C1GALT1: variants seen among roughly 807,000 people sequenced by gnomAD.
C1GALT1 encodes the protein core 1 synthase, glycoprotein-N-acetylgalactosamine 3-beta-galactosyltransferase 1.
A neutral mutation model predicts 31.0 loss-of-function variants in C1GALT1; 11 were observed. That is an observed-to-expected ratio of 0.36 (90% CI 0.22 to 0.59). C1GALT1 has a LOEUF of 0.59. Among genes scored for constraint, C1GALT1 ranks in the 20% least tolerant of loss-of-function variants. The probability of loss-of-function intolerance (pLI) is 0.79; values close to 1 mark genes in which losing one functional copy is unlikely to be tolerated. For missense variants in C1GALT1, 424 were observed against 425.2 expected (o/e 1.00, Z 0.03); for synonymous variants, 175 against 143.6 (o/e 1.22, Z -1.56).
rs1178103006 is a variant in C1GALT1 at position 7,247,903 on chromosome 7, G to T, written c.*4176G>T. 1 of 152,026 alleles carries T rather than the reference G, an allele frequency of 6.6e-6. No individual in the cohort carries two copies. Among genetic ancestry groups the T allele is most frequent in the Non-Finnish European group, 1.5e-5 (1 of 67,910 alleles). 9.4% of individuals were successfully genotyped at this position (152,026 alleles called of 1,614,324 possible). A position where few individuals can be genotyped will look rare whatever the true frequency, so the allele number is the denominator to read the frequency against. On this transcript the variant is annotated 3_prime_UTR_variant, in exon 4 of 4. Transcript: ENST00000436587. The stretch of plus-strand genomic sequence containing the variant: ...AAGTAAAAGTCTAAGAATAATGCCT[G>T]CTGGCTCTCGAGATACTTGCCCTAC...
At chr7:7,241,008 C>T (rs1456310191) in intron 3 of C1GALT1, among the ~76,000 whole-genome samples, 1 of 151,932 alleles carries the variant, frequency 6.6e-6, no homozygotes, top group Non-Finnish European at 1.5e-5. Flanking sequence ...AAGCAGTTCC[C>T]TTCCCACTCC....
chr7:7,242,966 T>G (rs1783698002), intron 3 of C1GALT1, among the ~76,000 whole-genome samples: 1 of 152,140 alleles, frequency 6.6e-6, no homozygotes, highest in African/African-American at 2.4e-5. Flanking sequence ...CTCAAGGTCG[T>G]ATACTAGCCC....
intron 1 of C1GALT1, among the ~76,000 whole-genome samples, chr7:7,189,899 A>T (rs1220204896): frequency 2.1e-5 from 3 of 142,414 alleles, no homozygotes; most frequent in Non-Finnish European, 4.5e-5. Context: ...TCCCCAAAAG[A>T]TTAATTAATT....
At chr7:7,209,475 C>T (rs1278579344) in intron 1 of C1GALT1, 1 of 152,098 alleles carries the variant, frequency 6.6e-6, no homozygotes, top group Non-Finnish European at 1.5e-5. Flanking sequence ...TAACCTGCAC[C>T]CTTGTCTTAA....
At chr7:7,230,783 T>TA (rs1336995810) in intron 1 of C1GALT1, among the ~76,000 whole-genome samples, 15 of 151,970 alleles carry the variant, frequency 9.9e-5, no homozygotes, top group Non-Finnish European at 1.8e-4. Context: ...TTTTTTTTTT[T>TA]AAACAACTCC....
intron 2 of C1GALT1, among the ~76,000 whole-genome samples, chr7:7,175,216 T>C (rs897369046): frequency 6.6e-6 from 1 of 152,238 alleles, no homozygotes; most frequent in African/African-American, 2.4e-5. Flanking sequence ...CTTGTCAATA[T>C]GGTCATGGAA....
chr7:7,158,917 A>G (rs1225599890), intron 2 of C1GALT1, among the ~76,000 whole-genome samples: 4 of 152,076 alleles, frequency 2.6e-5, no homozygotes, highest in African/African-American at 9.7e-5. Flanking sequence ...TCTATCTCAA[A>G]CTGTGTGACA....
At chr7:7,223,949 G>C (rs1019079102) in intron 1 of C1GALT1, among the ~76,000 whole-genome samples, 1 of 151,904 alleles carries the variant, frequency 6.6e-6, no homozygotes, top group South Asian at 2.1e-4. Flanking sequence ...TTCTGTTTTT[G>C]TTTTTCTGAG....
intron 2 of C1GALT1, 42 bp downstream of exon 2, chr7:7,234,581 T>C: frequency 6.8e-7 from 1 of 1,467,224 alleles, no homozygotes; most frequent in Non-Finnish European, 9.4e-7. Flanking sequence ...AGCAGTATTT[T>C]AGTCTAAATT....
chr7:7,220,613 C>T (rs1171066947), intron 1 of C1GALT1, among the ~76,000 whole-genome samples: 2 of 152,252 alleles, frequency 1.3e-5, no homozygotes, highest in East Asian at 3.9e-4. Flanking sequence ...GCTCCACCTC[C>T]TGGGTTCAAG....
At chr7:7,225,466 C>G (rs1782717299) in intron 1 of C1GALT1, among the ~76,000 whole-genome samples, 1 of 152,132 alleles carries the variant, frequency 6.6e-6, no homozygotes. Context: ...CTGCTTATAA[C>G]CAGGAACTGG....
Position 7,243,707 on chromosome 7 carries a change from G to A in C1GALT1, c.1072G>A (p.Val358Met), listed in dbSNP as rs747744965. 4.4e-6 allele frequency: 7 copies of A among 1,604,208 alleles called. No individual in the cohort carries two copies. Among genetic ancestry groups the A allele is most frequent in the Non-Finnish European group, 5.9e-6 (7 of 1,176,628 alleles). The change falls in exon 4 of 4, where the codon GTG becomes ATG. Residue 358 changes from valine to methionine, a missense_variant. This residue lies in a region of C1GALT1 where 191 missense variants were observed against 188.8 expected (regional missense o/e 1.01). Transcript: ENST00000436587. ...AGCAAACAAAAATGAAGATACAAAAGTGAAGTTAGGAAATCCTTGAAAGAA... is the reference window on the plus strand; with the variant it reads ...AGCAAACAAAAATGAAGATACAAAAATGAAGTTAGGAAATCCTTGAAAGAA... Reference protein sequence around the residue: ...SQANKNEDTKVKLGNP With the variant: ...SQANKNEDTKMKLGNP
At chr7:7,187,991 G>C (rs1322565679) in intron 1 of C1GALT1, among the ~76,000 whole-genome samples, 2 of 144,192 alleles carry the variant, frequency 1.4e-5, no homozygotes, top group Non-Finnish European at 3.0e-5. Flanking sequence ...TTTCATTTTA[G>C]AGAGCTCATT....
chr7:7,223,665 A>C, intron 1 of C1GALT1, among the ~76,000 whole-genome samples: 1 of 152,256 alleles, frequency 6.6e-6, no homozygotes, highest in Non-Finnish European at 1.5e-5. Context: ...AAAATCCTTG[A>C]GATTTCCTTC....
chr7:7,224,083 C>T (rs575943748), intron 1 of C1GALT1, among the ~76,000 whole-genome samples: 13 of 152,244 alleles, frequency 8.5e-5, no homozygotes, highest in African/African-American at 3.1e-4. Context: ...TTGAACCATC[C>T]TTACATACTC....
At chr7:7,243,336 A>G (rs1202491900) in intron 3 of C1GALT1, among the ~76,000 whole-genome samples, 188 bp from the exon 4 acceptor site, 1 of 152,090 alleles carries the variant, frequency 6.6e-6, no homozygotes, top group Non-Finnish European at 1.5e-5. Context: ...ATTGGTTTTA[A>G]ATCATTAGGA....
chr7:7,226,157 T>C (rs1035626592), intron 1 of C1GALT1, among the ~76,000 whole-genome samples: 6 of 152,144 alleles, frequency 3.9e-5, no homozygotes. Context: ...TATTTGTAAA[T>C]GTAAGGTGTG....
chr7:7,201,001 A>G (rs1008900320), intron 1 of C1GALT1, among the ~76,000 whole-genome samples: 2 of 152,076 alleles, frequency 1.3e-5, no homozygotes, highest in East Asian at 1.9e-4. Flanking sequence ...TCTTCTCTCA[A>G]CTCGTCAAAG....
intron 1 of C1GALT1, among the ~76,000 whole-genome samples, chr7:7,186,571 A>T (rs1780824390): frequency 6.6e-6 from 1 of 152,222 alleles, no homozygotes; most frequent in South Asian, 2.1e-4. Flanking sequence ...AAGATGGAAA[A>T]GAGACAGTAA....
Sources: gnomAD v4.1 joint callset for allele counts (sites outside exome capture counted in the v4.1 genomes callset) on GRCh38, gnomAD v4.1.1 for gene constraint, gnomAD v4.1.1 regional missense constraint, MANE v1.5 for transcripts, NCBI Gene and HGNC (gene_info 2026-07-23, HGNC 2026-07-21) for gene names.